Variants in TRPS1 observed in about 807,000 individuals in gnomAD.
TRPS1 encodes transcriptional repressor GATA binding 1, also known as zinc finger transcription factor Trps1.
Under a neutral mutation model 101.2 loss-of-function variants are expected in TRPS1, and 6 were observed. The observed-to-expected ratio is 0.06, with a 90% CI of 0.03 to 0.12. TRPS1 has a LOEUF of 0.12. Ranked by LOEUF, TRPS1 falls within the 10% of genes least tolerant of loss-of-function variation. TRPS1 has a pLI of 1.00. For synonymous variants in TRPS1, 578 were observed against 589.8 expected (o/e 0.98, Z 0.29); for missense variants, 1,363 against 1,567.0 (o/e 0.87, Z 2.20).
intron 5 of TRPS1, among the ~76,000 whole-genome samples, chr8:115,535,386 CAT>C (rs1177330125): frequency 2.1e-5 from 3 of 140,966 alleles, no homozygotes; most frequent in African/African-American, 7.7e-5. Flanking sequence ...ATATATAGCA[CAT>C]ATATAGCGCA....
In TRPS1 at chr8:115,619,724, G is replaced by C. The variant is rs1818348372; in HGVS notation, c.374C>G (p.Ala125Gly). The change falls in exon 3 of 7, where the codon GCT becomes GGT. Residue 125 changes from alanine (A) to glycine (G), a missense_variant. Physicochemically the swap from Ala to Gly is moderately conservative, Grantham distance 60 (BLOSUM62 0). Transcript: ENST00000395715. ...HDEVTDRNML[A>G]FSSPAAGGVC... ...TCCCCCAGCAGCTGGAGATGAGAAA[G>C]CCAACATATTTCTGTCTGTCACCTC... is the stretch of plus-strand genomic sequence containing the variant. 1 of 1,614,060 alleles carries C rather than the reference G, an allele frequency of 6.2e-7. No individual in the cohort carries two copies. The highest frequency in any genetic ancestry group is 1.7e-5 in the Admixed American group (1 of 59,996).
Position 115,418,512 on chromosome 8 carries a change from C to T in TRPS1, c.2701-60G>A. 1 of 1,612,034 alleles carries T rather than the reference C, an allele frequency of 6.2e-7. No homozygotes were observed. Among genetic ancestry groups the T allele is most frequent in the Non-Finnish European group, 8.5e-7 (1 of 1,178,454 alleles). On this transcript the variant is annotated intron_variant, in intron 5 of 6. Coordinates refer to ENST00000395715, the MANE Select transcript of TRPS1 (RefSeq NM_014112.5). This position sits in a 1 kb window ranked among gnomAD's most constrained non-coding sequence, Gnocchi z 4.3. ...AGTCACATGATCAGTGGAGTTAGACCAAATCAACCCAGGAGTTTTGTCTTT... is the reference window on the plus strand; with the variant it reads ...AGTCACATGATCAGTGGAGTTAGACTAAATCAACCCAGGAGTTTTGTCTTT...
In TRPS1 at chr8:115,428,964, G is replaced by A. The variant is rs17801280; in HGVS notation, c.2701-10512C>T. On this transcript the variant is annotated intron_variant, in intron 5 of 6. Coordinates refer to ENST00000395715, the MANE Select transcript of TRPS1 (RefSeq NM_014112.5). ...CTCTGTGACCACTATTGGTGAAACC[G>A]ACCATGAGCAGATAATTTCATGATA... Among the ~76,000 whole-genome samples, 1,422 of 152,238 alleles carry A rather than the reference G, an allele frequency of 9.3e-3. 31 individuals carry two copies. The highest frequency in any genetic ancestry group is 0.043 in the Admixed American group (660 of 15,292).
intron 3 of TRPS1, among the ~76,000 whole-genome samples, chr8:115,612,564 T>A (rs1206210356): frequency 6.6e-6 from 1 of 152,170 alleles, no homozygotes; most frequent in African/African-American, 2.4e-5. Flanking sequence ...ATGTTGACTT[T>A]GAAGTGCCAA....
chr8:115,572,861 C>G (rs183316201), intron 5 of TRPS1, among the ~76,000 whole-genome samples: 1 of 152,012 alleles, frequency 6.6e-6, no homozygotes, highest in Non-Finnish European at 1.5e-5. Context: ...CGCCAGACTC[C>G]GTGGCTCACG....
chr8:115,605,843 G>T (rs919779946), intron 3 of TRPS1, among the ~76,000 whole-genome samples: 1 of 152,104 alleles, frequency 6.6e-6, no homozygotes, highest in African/African-American at 2.4e-5. Context: ...AAATTACATG[G>T]AATCAGGACT....
intron 5 of TRPS1, among the ~76,000 whole-genome samples, chr8:115,448,587 G>A (rs1189507386): frequency 1.3e-5 from 2 of 152,024 alleles, no homozygotes; most frequent in African/African-American, 2.4e-5. Flanking sequence ...CCTCAAATAG[G>A]TGTCTCTAAT....
At chr8:115,547,321 C>G (rs1816599019) in intron 5 of TRPS1, among the ~76,000 whole-genome samples, 1 of 152,092 alleles carries the variant, frequency 6.6e-6, no homozygotes, top group Non-Finnish European at 1.5e-5. Flanking sequence ...CTCCCTCTCT[C>G]TCTTCCCTTC....
intron 1 of TRPS1, among the ~76,000 whole-genome samples, chr8:115,632,036 T>C (rs1818657696): frequency 6.6e-6 from 1 of 152,102 alleles, no homozygotes; most frequent in Non-Finnish European, 1.5e-5. Flanking sequence ...CAAAAATATC[T>C]GTAGACTGAT....
At chr8:115,491,609 C>T (rs563213494) in intron 5 of TRPS1, among the ~76,000 whole-genome samples, 3 of 147,396 alleles carry the variant, frequency 2.0e-5, no homozygotes, top group East Asian at 2.0e-4. Context: ...GAGCCATGAG[C>T]GAGACCTGGT....
intron 3 of TRPS1, among the ~76,000 whole-genome samples, chr8:115,614,344 C>T (rs748518291): frequency 6.6e-6 from 1 of 152,146 alleles, no homozygotes; most frequent in Non-Finnish European, 1.5e-5. Context: ...TATACATGTT[C>T]CTTTAAATGA....
At chr8:115,452,546 T>C (rs1342491135) in intron 5 of TRPS1, among the ~76,000 whole-genome samples, 1 of 152,232 alleles carries the variant, frequency 6.6e-6, no homozygotes, top group African/African-American at 2.4e-5. Context: ...CTGACAGATA[T>C]AAGACAGTTT....
chr8:115,668,154 T>C (rs1237687569), intron 1 of TRPS1: 1 of 561,702 alleles, frequency 1.8e-6, no homozygotes, highest in Non-Finnish European at 3.2e-6. Flanking sequence ...CAGGGGCTAC[T>C]GCAGTTTGAA....
intron 4 of TRPS1, among the ~76,000 whole-genome samples, chr8:115,591,027 C>A (rs528008348): frequency 8.6e-5 from 13 of 151,964 alleles, no homozygotes; most frequent in African/African-American, 3.1e-4. Flanking sequence ...AGGACATGGC[C>A]CAGTAGAATA....
chr8:115,665,341 G>A (rs1811896025), intron 1 of TRPS1, among the ~76,000 whole-genome samples: 1 of 152,066 alleles, frequency 6.6e-6, no homozygotes, highest in South Asian at 2.1e-4. Context: ...ACATATTGTG[G>A]GTTGTATGTC....
intron 1 of TRPS1, among the ~76,000 whole-genome samples, chr8:115,650,603 A>G (rs1207554918): frequency 2.0e-5 from 3 of 152,230 alleles, no homozygotes; most frequent in African/African-American, 7.2e-5. Flanking sequence ...AGTTAAAAAA[A>G]AAAGTTCTTA....
intron 5 of TRPS1, among the ~76,000 whole-genome samples, chr8:115,498,401 C>CTG: frequency 1.2e-5 from 1 of 85,434 alleles, no homozygotes; most frequent in Middle Eastern, 5.6e-3. Context: ...CTCTCTCTCT[C>CTG]TCTCTCTCTC....
intron 4 of TRPS1, among the ~76,000 whole-genome samples, chr8:115,591,630 C>A (rs1161593169): frequency 6.6e-6 from 1 of 152,110 alleles, no homozygotes; most frequent in Non-Finnish European, 1.5e-5. Flanking sequence ...GTGAACCAAC[C>A]GACCTAGGCA....
At position 115,604,101 on chromosome 8, in the gene TRPS1, G is replaced by C. The variant is rs1163935120; in HGVS notation, c.1868C>G (p.Ser623Trp). 1 of 1,614,064 alleles carries C rather than the reference G, an allele frequency of 6.2e-7. No homozygotes were observed. The highest frequency in any genetic ancestry group is 8.5e-7 in the Non-Finnish European group (1 of 1,179,992). ...LHLSPGAAGS[S>W]RVKHQCHQCS... ...CTGATGGCACTGATGTTTGACTCGC[G>C]AGCTTCCAGCCGCCCCAGGAGACAA... is the stretch of plus-strand genomic sequence containing the variant. Residue 623 changes from serine to tryptophan, a missense_variant, in exon 4 of 7, where the codon TCG becomes TGG. Coordinates refer to ENST00000395715, the MANE Select transcript of TRPS1 (RefSeq NM_014112.5). This position sits in a 1 kb window ranked among gnomAD's most constrained non-coding sequence, Gnocchi z 4.1.
Sources: allele counts gnomAD v4.1 joint callset (sites outside exome capture counted in the v4.1 genomes callset), GRCh38; gene constraint gnomAD v4.1.1; non-coding constraint Gnocchi (gnomAD v3.1); transcripts MANE v1.5; gene names NCBI Gene and HGNC (gene_info 2026-07-23, HGNC 2026-07-21).